Variants in ADGRV1 observed in about 807,000 individuals in gnomAD.
ADGRV1 encodes G-protein coupled receptor 98.
ADGRV1 carries 359 observed loss-of-function variants against 596.2 expected under a neutral mutation model. The observed-to-expected ratio is 0.60, with a 90% CI of 0.55 to 0.66. ADGRV1 has a LOEUF of 0.66. ADGRV1 is among the 30% of genes least tolerant of loss of function. The probability of loss-of-function intolerance (pLI) is 0.00; values close to 1 mark genes in which losing one functional copy is unlikely to be tolerated. For missense variants in ADGRV1, 7,274 were observed against 7,575.6 expected, an observed-to-expected ratio of 0.96 and a Z score of 1.48; for synonymous variants, 2,681 against 2,679.2, an observed-to-expected ratio of 1.00 and a Z score of -0.02.
intron 83 of ADGRV1, among the ~76,000 whole-genome samples, chr5:90,888,456 T>A (rs187461832): frequency 2.6e-5 from 4 of 152,278 alleles, no homozygotes; most frequent in Non-Finnish European, 5.9e-5. Flanking sequence ...AATAGCAATA[T>A]CTTCTGGCTG....
At chr5:90,700,769 T>C (rs1259802996) in intron 34 of ADGRV1, among the ~76,000 whole-genome samples, 1 of 152,204 alleles carries the variant, frequency 6.6e-6, no homozygotes, top group Non-Finnish European at 1.5e-5. Flanking sequence ...TTTTTGACAG[T>C]CTGCTTCACA....
In ADGRV1 at chr5:90,848,727, A is replaced by G; in HGVS notation, c.17110A>G (p.Lys5704Glu). 1 of 1,589,124 alleles carries G rather than the reference A, an allele frequency of 6.3e-7. No homozygotes were observed. Among genetic ancestry groups the G allele is most frequent in the Non-Finnish European group, 8.5e-7 (1 of 1,170,170 alleles). ...ILCSLINPKR[K>E]DTRGFSHFAE... is the part of the protein sequence containing the mutation. ...TTGTTCTCTTATTAACCCAAAGCGC[A>G]AGGACACTAGGGGATTCAGTCACTT... is the stretch of plus-strand genomic sequence containing the variant. Residue 5704 changes from lysine to glutamate, a missense_variant, in exon 79 of 90, where the codon AAG becomes GAG. By Grantham distance (56) the Lys-to-Glu change is moderately conservative (BLOSUM62 1). Transcript: ENST00000405460.
At chr5:91,153,003 C>G (rs530014696) in intron 88 of ADGRV1, among the ~76,000 whole-genome samples, 1 of 152,100 alleles carries the variant, frequency 6.6e-6, no homozygotes, top group South Asian at 2.1e-4. Flanking sequence ...TCTCTTGAGC[C>G]CAGGTGTTTG....
At position 90,690,032 on chromosome 5, in the gene ADGRV1, C is replaced by G. The variant is rs372266886; in HGVS notation, c.6662C>G (p.Ala2221Gly). Residue 2221 changes from alanine (A) to glycine (G), a missense_variant, in exon 30 of 90, where the codon GCA becomes GGA. This residue lies in a region of ADGRV1 where 3,643 missense variants were observed against 3,809.2 expected (regional missense o/e 0.96). Transcript: ENST00000405460. The part of the protein sequence containing the change: ...GGARLGALTE[A>G]VIIIEASDDP... ...GCCAGACTAGGGGCTTTAACAGAGG[C>G]AGTCATTATTATTGAGGCCTCTGAT... 1 of 1,592,558 alleles carries G rather than the reference C, an allele frequency of 6.3e-7. No individual in the cohort carries two copies. The highest frequency in any genetic ancestry group is 8.6e-7 in the Non-Finnish European group (1 of 1,168,386).
At chr5:90,974,937 T>G (rs1779419644) in intron 84 of ADGRV1, among the ~76,000 whole-genome samples, 1 of 152,150 alleles carries the variant, frequency 6.6e-6, no homozygotes, top group Non-Finnish European at 1.5e-5. Context: ...TAGAAAAGTT[T>G]TGCAACCTAC....
chr5:90,694,768 A>G, intron 33 of ADGRV1, 67 bp downstream of exon 33: 1 of 1,352,124 alleles, frequency 7.4e-7, no homozygotes, highest in Non-Finnish European at 1.0e-6. Flanking sequence ...TTTTATGATA[A>G]AATTTATAAG....
chr5:90,855,723 A>C lies in ADGRV1; in HGVS notation c.17595-18A>C. The C allele has an allele frequency of 1.3e-6, 2 of 1,530,832 alleles. No homozygotes were observed. The highest frequency in any genetic ancestry group is 1.8e-6 in the Non-Finnish European group (2 of 1,136,416). The allele number at this position is 1,530,832 out of a possible 1,614,324, so 94.8% of individuals were successfully genotyped here. A position where few individuals can be genotyped will look rare whatever the true frequency, so the allele number is the denominator to read the frequency against. ...TATTGATGAAAGAGGAAAAATGACT[A>C]TTGTGTTTTTGCCCTAGCTGGTTGT... On this transcript the variant is annotated intron_variant, in intron 81 of 89. Transcript: ENST00000405460.
intron 83 of ADGRV1, among the ~76,000 whole-genome samples, chr5:90,888,456 T>C (rs187461832): frequency 6.6e-6 from 1 of 152,160 alleles, no homozygotes; most frequent in Non-Finnish European, 1.5e-5. Context: ...AATAGCAATA[T>C]CTTCTGGCTG....
intron 87 of ADGRV1, among the ~76,000 whole-genome samples, chr5:91,114,223 A>G (rs1792643601): frequency 6.7e-6 from 1 of 148,632 alleles, no homozygotes; most frequent in African/African-American, 2.5e-5. Context: ...CGTCTCAAAA[A>G]CACACAACCA....
At chr5:91,018,065 A>T (rs1783320074) in intron 85 of ADGRV1, among the ~76,000 whole-genome samples, 1 of 151,940 alleles carries the variant, frequency 6.6e-6, no homozygotes, top group Non-Finnish European at 1.5e-5. Flanking sequence ...TACATGCTGG[A>T]TCTTCTATAT....
At chr5:90,615,206 T>C (rs1166099683) in intron 2 of ADGRV1, among the ~76,000 whole-genome samples, 187 bp downstream of exon 2, 1 of 151,944 alleles carries the variant, frequency 6.6e-6, no homozygotes, top group African/African-American at 2.4e-5. Flanking sequence ...AACATAATCA[T>C]GTATATTTAA....
intron 2 of ADGRV1, among the ~76,000 whole-genome samples, chr5:90,616,703 A>T (rs1763411967): frequency 6.6e-6 from 1 of 152,236 alleles, no homozygotes; most frequent in Non-Finnish European, 1.5e-5. Flanking sequence ...CAATGATCAA[A>T]TTAGGGGAAT....
In ADGRV1 at chr5:90,928,461, G is replaced by A. The variant is rs572765976; in HGVS notation, c.17857-36954G>A. Among the ~76,000 whole-genome samples the A allele has an allele frequency of 4.6e-4, 69 of 150,178 alleles. 2 individuals carry two copies. The highest frequency in any genetic ancestry group is 1.3e-4 in the Non-Finnish European group (9 of 67,790). On this transcript the variant is annotated intron_variant, in intron 83 of 89. Coordinates refer to ENST00000405460, the MANE Select transcript of ADGRV1 (RefSeq NM_032119.4). ...CTTCTGCATTCTTCACGTAGTTCTC[G>A]AGCCTTGGTTTTCAGCTCCATCAGC...
At chr5:90,565,709 G>C (rs1158273184) in intron 1 of ADGRV1, among the ~76,000 whole-genome samples, 1 of 152,140 alleles carries the variant, frequency 6.6e-6, no homozygotes, top group African/African-American at 2.4e-5. Context: ...CCATCTAGGA[G>C]TGGAATTGCT....
chr5:91,066,355 C>T (rs572966370), intron 85 of ADGRV1, among the ~76,000 whole-genome samples: 6 of 152,332 alleles, frequency 3.9e-5, no homozygotes, highest in Admixed American at 3.9e-4. Flanking sequence ...CCTGAATATA[C>T]TGTACCTCTA....
chr5:91,040,739 A>T (rs762843189), intron 85 of ADGRV1, among the ~76,000 whole-genome samples: 26 of 152,320 alleles, frequency 1.7e-4, no homozygotes, highest in South Asian at 2.1e-4. Flanking sequence ...CATCTGATCC[A>T]TTATCTCCAT....
At chr5:90,725,981 A>G (rs939248236) in intron 48 of ADGRV1, among the ~76,000 whole-genome samples, 5 of 152,238 alleles carry the variant, frequency 3.3e-5, no homozygotes, top group Middle Eastern at 3.2e-3. Context: ...TAGCATTGCC[A>G]CACAGGCATT....
At chr5:90,738,496 C>G (rs777456841) in intron 50 of ADGRV1, among the ~76,000 whole-genome samples, 1 of 152,112 alleles carries the variant, frequency 6.6e-6, no homozygotes, top group East Asian at 1.9e-4. Flanking sequence ...TAGAGCAGGC[C>G]GAGTGGTAAC....
rs770918718 is a variant in ADGRV1, at chr5:90,729,689, TC to T, written c.10476del (p.Phe3493SerfsTer7). 1 of 1,606,252 alleles carries T rather than the reference TC, an allele frequency of 6.2e-7. No individual in the cohort carries two copies. Among genetic ancestry groups the T allele is most frequent in the South Asian group, 1.1e-5 (1 of 90,734 alleles). The stretch of plus-strand genomic sequence containing the variant: ...TTTCATCTGGGAGATGGGACAGTCT[TC>T]CTTCAGGTATTTTCAGTCTGTAGAT... Reference protein sequence around the residue: ...DIFIWEMGQSSFRYFQSVDFA... With the variant: ...DIFIWEMGQSXFRYFQSVDFA... On this transcript the variant is annotated frameshift_variant, in exon 50 of 90. Transcript: ENST00000405460. LOFTEE classifies it high-confidence loss of function.
Sources: allele counts gnomAD v4.1 joint callset (sites outside exome capture counted in the v4.1 genomes callset), GRCh38; gene constraint gnomAD v4.1.1; regional missense constraint gnomAD v4.1.1; transcripts MANE v1.5; gene names NCBI Gene and HGNC (gene_info 2026-07-23, HGNC 2026-07-21).